Variants in SIMC1 observed in about 807,000 individuals in gnomAD.
The protein encoded by SIMC1 is SUMO interacting motifs containing 1, also known as SUMO-interacting motif-containing protein 1.
SIMC1 carries 55 observed loss-of-function variants against 82.3 expected under a neutral mutation model. That is an observed-to-expected ratio of 0.67 (90% CI 0.54 to 0.84). SIMC1 has a LOEUF of 0.84. Among genes scored for constraint, SIMC1 ranks in the 40% least tolerant of loss-of-function variants. The probability of loss-of-function intolerance (pLI) is 0.00; values close to 1 mark genes in which losing one functional copy is unlikely to be tolerated. For synonymous variants in SIMC1, 353 were observed against 426.3 expected, an observed-to-expected ratio of 0.83 and a Z score of 2.12; for missense variants, 915 against 1,107.2, an observed-to-expected ratio of 0.83 and a Z score of 2.46.
intron 1 of SIMC1, among the ~76,000 whole-genome samples, chr5:176,272,593 A>G (rs1251903300): frequency 2.6e-5 from 4 of 152,244 alleles, no homozygotes; most frequent in African/African-American, 9.6e-5. Context: ...TGGGTGCACG[A>G]CAGTGGGTGC....
rs556318372 is a variant in SIMC1, at chr5:176,313,787, C to G, written c.1831C>G (p.Leu611Val). The G allele has an allele frequency of 6.2e-7, 1 of 1,613,990 alleles. No homozygotes were observed. Among genetic ancestry groups the G allele is most frequent in the Non-Finnish European group, 8.5e-7 (1 of 1,179,886 alleles). ...GACCCTGAGGAGGCAACGGCAGCAC[C>G]TGCAGCAATCCATTGCAAACATGGT... ...QQTLRRQRQHLQQSIANMVLS... is the reference protein window; with the variant it reads ...QQTLRRQRQHVQQSIANMVLS... Residue 611 changes from leucine (L) to valine (V), a missense_variant, in exon 5 of 10, where the codon CTG (leucine) becomes GTG (valine). This residue lies in a region of SIMC1 where 902 missense variants were observed against 1,040.3 expected (regional missense o/e 0.87). Transcript: ENST00000429602.
chr5:176,315,673 T>C (rs916810158), intron 5 of SIMC1, among the ~76,000 whole-genome samples: 5 of 152,190 alleles, frequency 3.3e-5, no homozygotes, highest in African/African-American at 1.2e-4. Flanking sequence ...CATGGGGCAA[T>C]GACTACGATA....
At chr5:176,288,803 T>C (rs1763411314) in intron 1 of SIMC1, among the ~76,000 whole-genome samples, 1 of 152,206 alleles carries the variant, frequency 6.6e-6, no homozygotes, top group African/African-American at 2.4e-5. Flanking sequence ...GTGGCAGTAG[T>C]ATCCAAGTAA....
chr5:176,305,723 C>T (rs1343010295), intron 4 of SIMC1, among the ~76,000 whole-genome samples: 21 of 80,546 alleles, frequency 2.6e-4, no homozygotes, highest in South Asian at 4.3e-4. Context: ...GTCAGCCCCC[C>T]GCCCGGCCAG....
intron 1 of SIMC1, among the ~76,000 whole-genome samples, chr5:176,286,197 G>A (rs1249129649): frequency 6.6e-6 from 1 of 152,296 alleles, no homozygotes; most frequent in African/African-American, 2.4e-5. Context: ...TAAGCAAAAA[G>A]AACAAAGCTG....
chr5:176,308,969 C>G, intron 4 of SIMC1: 1 of 944,788 alleles, frequency 1.1e-6, no homozygotes, highest in Non-Finnish European at 1.8e-6. Context: ...GGAATTGCAA[C>G]AAGAAAAGGA....
chr5:176,324,103 C>T (rs1765276337), intron 6 of SIMC1, among the ~76,000 whole-genome samples: 1 of 152,088 alleles, frequency 6.6e-6, no homozygotes, highest in Admixed American at 6.6e-5. Flanking sequence ...TGGCTCTCTC[C>T]CACAGTTAGA....
chr5:176,310,889 AAAAT>A (rs1465740981), intron 4 of SIMC1, among the ~76,000 whole-genome samples: 10 of 152,230 alleles, frequency 6.6e-5, no homozygotes, highest in African/African-American at 1.7e-4. Flanking sequence ...ATAAAAATAA[AAAAT>A]AAAAAAGCAA....
chr5:176,339,610 C>T (rs1029403645), intron 9 of SIMC1, among the ~76,000 whole-genome samples: 1 of 151,978 alleles, frequency 6.6e-6, no homozygotes, highest in Non-Finnish European at 1.5e-5. Context: ...TTTTGATTCC[C>T]GGGGAATACA....
rs1461444093 is a variant in SIMC1, at chr5:176,250,766, A to T, written c.129+12129A>T. The stretch of plus-strand genomic sequence containing the variant: ...TTGTTGGTTTAAAGTCTGTTTTATC[A>T]GAGACTAGCATTGCAACCCTTTTTG... On this transcript the variant is annotated intron_variant, in intron 1 of 9. Coordinates refer to ENST00000429602, the MANE Select transcript of SIMC1 (RefSeq NM_001308195.2). Among the ~76,000 whole-genome samples the T allele has an allele frequency of 2.0e-5, 3 of 152,136 alleles. No individual in the cohort carries two copies. In the East Asian group the frequency reaches 5.8e-4, roughly 29 times the overall value.
At position 176,314,431 on chromosome 5, in the gene SIMC1, C is replaced by T. The variant is rs1764811713; in HGVS notation, c.1889+586C>T. 2.6e-5 allele frequency among the ~76,000 whole-genome samples: 4 copies of T among 152,144 alleles called. No homozygotes were observed. In the South Asian group the frequency reaches 8.3e-4, roughly 31 times the overall value. The stretch of plus-strand genomic sequence containing the variant: ...GTCTATTTCAATATTGTCCAAACAA[C>T]CTTGTGAAATCTAGGGGAAAGCCTT... On this transcript the variant is annotated intron_variant, in intron 5 of 9. Transcript: ENST00000429602.
rs553506146 is a variant in SIMC1 at position 176,257,332 on chromosome 5, AAAG to A, written c.129+18698_129+18700del. Among the ~76,000 whole-genome samples the A allele has an allele frequency of 3.2e-3, 485 of 152,276 alleles. 4 individuals are homozygous for A. The highest frequency in any genetic ancestry group is 0.011 in the African/African-American group (458 of 41,554). On this transcript the variant is annotated intron_variant, in intron 1 of 9. Transcript: ENST00000429602. ...AAAAATTTTTTTTAATTAAAAAACA[AAAG>A]AAATGCCTGAGACTGGGTAATTGAT...
intron 9 of SIMC1, 47 bp from the exon 10 acceptor site, chr5:176,345,136 T>C (rs1171978810): frequency 6.4e-7 from 1 of 1,567,294 alleles, no homozygotes; most frequent in East Asian, 2.3e-5. Context: ...TTAAAAAGAA[T>C]TAAAAAGCAG....
chr5:176,312,246 T>C (rs1764693034), intron 4 of SIMC1, among the ~76,000 whole-genome samples: 1 of 152,180 alleles, frequency 6.6e-6, no homozygotes, highest in South Asian at 2.1e-4. Flanking sequence ...ATCAAAAATC[T>C]AGCACAAGGC....
At chr5:176,253,572 C>T (rs1761759560) in intron 1 of SIMC1, among the ~76,000 whole-genome samples, 1 of 152,122 alleles carries the variant, frequency 6.6e-6, no homozygotes, top group Non-Finnish European at 1.5e-5. Flanking sequence ...TTGTTGGTCT[C>T]ATTCCATGTT....
intron 4 of SIMC1, among the ~76,000 whole-genome samples, chr5:176,302,846 C>A (rs1764100711): frequency 6.6e-6 from 1 of 151,994 alleles, no homozygotes; most frequent in South Asian, 2.1e-4. Context: ...TAAACCTAAC[C>A]AAGGAGGTGA....
At chr5:176,308,721 C>T (rs1238206270) in intron 4 of SIMC1, 1 of 1,450,592 alleles carries the variant, frequency 6.9e-7, no homozygotes, top group South Asian at 1.1e-5. Flanking sequence ...CCATATTGTA[C>T]CTCATGTCAC....
rs1764636928 is a variant in SIMC1, at chr5:176,310,888, AAAAAT to A, written c.1735-2798_1735-2794del. Among the ~76,000 whole-genome samples the A allele has an allele frequency of 2.6e-5, 4 of 152,334 alleles. No homozygotes were observed. In the South Asian group the frequency reaches 8.3e-4, roughly 32 times the overall value. ...GTCTAGATAGCAAAAAATAAAAATA[AAAAAT>A]AAAAAAGCAATGAGCTATTGATGCA... On this transcript the variant is annotated intron_variant, in intron 4 of 9. Coordinates refer to ENST00000429602, the MANE Select transcript of SIMC1 (RefSeq NM_001308195.2).
intron 1 of SIMC1, among the ~76,000 whole-genome samples, chr5:176,255,083 C>G (rs1761804171): frequency 6.6e-6 from 1 of 151,480 alleles, no homozygotes; most frequent in African/African-American, 2.4e-5. Flanking sequence ...TCGAGACCAG[C>G]CTGGCCAACA....
Sources: gnomAD v4.1 joint callset for allele counts (sites outside exome capture counted in the v4.1 genomes callset) on GRCh38, gnomAD v4.1.1 for gene constraint, gnomAD v4.1.1 regional missense constraint, MANE v1.5 for transcripts, NCBI Gene and HGNC (gene_info 2026-07-23, HGNC 2026-07-21) for gene names.